MALRD1: variants seen among roughly 807,000 people sequenced by gnomAD.
MALRD1 encodes the protein MAM and LDL receptor class A domain containing 1, also known as MAM and LDL-receptor class A domain-containing protein 1.
MALRD1 carries 247 observed loss-of-function variants against 242.1 expected under a neutral mutation model. The ratio of observed to expected loss-of-function variants is 1.02; its 90% CI spans 0.92 to 1.13. The LOEUF is 1.13. Ranked by LOEUF, MALRD1 falls within the 50% of genes most tolerant of loss-of-function variation. The pLI is 0.00. For synonymous variants in MALRD1, 995 were observed against 866.6 expected (o/e 1.15, Z -2.60); for missense variants, 2,989 against 2,533.1 (o/e 1.18, Z -3.86).
At chr10:19,377,467 A>C (rs571769902) in intron 26 of MALRD1, among the ~76,000 whole-genome samples, 15 of 152,106 alleles carry the variant, frequency 9.9e-5, no homozygotes, top group Non-Finnish European at 2.2e-4. Context: ...TCCCTATTCA[A>C]TTGTGTAACA....
At chr10:19,352,463 C>T (rs1279711891) in intron 26 of MALRD1, among the ~76,000 whole-genome samples, 166 bp downstream of exon 26, 1 of 133,364 alleles carries the variant, frequency 7.5e-6, no homozygotes, top group East Asian at 2.1e-4. Context: ...AGCCTTTATT[C>T]ATAAAAATGT....
intron 23 of MALRD1, among the ~76,000 whole-genome samples, chr10:19,330,516 A>G (rs1226163199): frequency 2.6e-5 from 4 of 152,162 alleles, no homozygotes; most frequent in African/African-American, 4.8e-5. Context: ...ATATCTCAAT[A>G]TTTCTTATGT....
rs1380570071 is a variant in MALRD1 at position 19,090,070 on chromosome 10, G to A, written c.597+1885G>A. Among the ~76,000 whole-genome samples the A allele has an allele frequency of 2.7e-4, 21 of 76,776 alleles. No individual in the cohort carries two copies. In the South Asian group the frequency reaches 8.6e-3, roughly 31 times the overall value. The allele number at this position is 76,776 out of a possible 152,430, so 50.4% of individuals were successfully genotyped here. ...GGCTTAGGATTGACTTGGCGATGCCGGCTCTTTTTTGGTTCCATATGAACT... is the reference window on the plus strand; with the variant it reads ...GGCTTAGGATTGACTTGGCGATGCCAGCTCTTTTTTGGTTCCATATGAACT... On this transcript the variant is annotated intron_variant, in intron 4 of 39. Coordinates refer to ENST00000454679, the MANE Select transcript of MALRD1 (RefSeq NM_001142308.3).
intron 32 of MALRD1, among the ~76,000 whole-genome samples, chr10:19,554,308 G>T (rs1835617549): frequency 6.6e-6 from 1 of 152,130 alleles, no homozygotes; most frequent in African/African-American, 2.4e-5. Flanking sequence ...CGGGTAGCAG[G>T]CAATGTCACG....
At chr10:19,256,569 T>C (rs1186215310) in intron 18 of MALRD1, among the ~76,000 whole-genome samples, 1 of 152,106 alleles carries the variant, frequency 6.6e-6, no homozygotes, top group African/African-American at 2.4e-5. Flanking sequence ...TCAGGGGGAC[T>C]ATATTTGCCC....
intron 21 of MALRD1, among the ~76,000 whole-genome samples, chr10:19,314,921 T>C (rs1274793567): frequency 6.6e-6 from 1 of 150,608 alleles, no homozygotes; most frequent in African/African-American, 2.4e-5. Flanking sequence ...TTTCATAGAA[T>C]GCAAATTAAT....
intron 38 of MALRD1, among the ~76,000 whole-genome samples, chr10:19,717,628 C>T (rs565017087): frequency 2.6e-5 from 4 of 152,082 alleles, no homozygotes; most frequent in Non-Finnish European, 5.9e-5. Context: ...ATTTGTAGAT[C>T]CTTGGAAGGT....
intron 19 of MALRD1, among the ~76,000 whole-genome samples, chr10:19,278,327 C>T (rs554200844): frequency 1.2e-4 from 19 of 152,310 alleles, no homozygotes; most frequent in Admixed American, 5.2e-4. Flanking sequence ...CAGCTTGCCA[C>T]GGCATCTTAT....
At chr10:19,238,468 A>ATATTATACATTATATATAATGTATATTAT (rs373763200) in intron 18 of MALRD1, among the ~76,000 whole-genome samples, 1 of 38,066 alleles carries the variant, frequency 2.6e-5, no homozygotes, top group Non-Finnish European at 3.9e-5. Flanking sequence ...TATATAATAT[A>ATATTATACATTATATATAATGTATATTAT]ATATATAATA....
Position 19,467,918 on chromosome 10 carries a change from C to T in MALRD1, c.5029+17428C>T, listed in dbSNP as rs185875356. 2.9e-3 allele frequency among the ~76,000 whole-genome samples: 437 copies of T among 152,090 alleles called. 3 individuals carry two copies. Among genetic ancestry groups the T allele is most frequent in the African/African-American group, 8.8e-3 (365 of 41,496 alleles). ...ACGTAATTCTCCTGCTTCAGCCTCCCGAGCAGCTGAGATTACAGGCATGTG... is the reference window on the plus strand; with the variant it reads ...ACGTAATTCTCCTGCTTCAGCCTCCTGAGCAGCTGAGATTACAGGCATGTG... On this transcript the variant is annotated intron_variant, in intron 29 of 39. Transcript: ENST00000454679.
chr10:19,600,503 A>G (rs1838295335), intron 34 of MALRD1, among the ~76,000 whole-genome samples: 1 of 152,212 alleles, frequency 6.6e-6, no homozygotes, highest in South Asian at 2.1e-4. Context: ...TCAAGAATAA[A>G]ATAAATACCC....
intron 18 of MALRD1, among the ~76,000 whole-genome samples, chr10:19,211,080 TTATGATTTGCC>T (rs1837031029): frequency 6.6e-6 from 1 of 152,160 alleles, no homozygotes; most frequent in Non-Finnish European, 1.5e-5. Context: ...ATTGGGTCAA[TTATGATTTGCC>T]TCAAGCTAGT....
chr10:19,734,444 A>G lies in MALRD1; in HGVS notation c.*207A>G, dbSNP rs1285357217. The G allele has an allele frequency of 2.7e-6, 1 of 365,098 alleles. No homozygotes were observed. The highest frequency in any genetic ancestry group is 2.1e-5 in the African/African-American group (1 of 47,720). 22.6% of individuals were successfully genotyped at this position (365,098 alleles called of 1,614,324 possible). A position where few individuals can be genotyped will look rare whatever the true frequency, so the allele number is the denominator to read the frequency against. ...AATCAGTACCTTATCTTCACTGAACATCTGAATATTTTAATAAAATTTCTA... is the reference window on the plus strand; with the variant it reads ...AATCAGTACCTTATCTTCACTGAACGTCTGAATATTTTAATAAAATTTCTA... On this transcript the variant is annotated 3_prime_UTR_variant, in exon 40 of 40. Coordinates refer to ENST00000454679, the MANE Select transcript of MALRD1 (RefSeq NM_001142308.3).
intron 38 of MALRD1, among the ~76,000 whole-genome samples, chr10:19,715,499 A>G (rs536989926): frequency 1.3e-5 from 2 of 152,202 alleles, no homozygotes; most frequent in Non-Finnish European, 2.9e-5. Flanking sequence ...GTGAAAAAAT[A>G]TTTCCAGAAT....
At chr10:19,658,580 G>A (rs1321642174) in intron 36 of MALRD1, among the ~76,000 whole-genome samples, 1 of 152,058 alleles carries the variant, frequency 6.6e-6, no homozygotes, top group African/African-American at 2.4e-5. Context: ...AGAGTTATTG[G>A]CCTAATAACT....
In MALRD1 at chr10:19,568,646, T is replaced by C. The variant is rs977723541; in HGVS notation, c.5680+943T>C. 3.3e-5 allele frequency among the ~76,000 whole-genome samples: 5 copies of C among 152,002 alleles called. No individual in the cohort carries two copies. In the East Asian group the frequency reaches 9.7e-4, roughly 29 times the overall value. On this transcript the variant is annotated intron_variant, in intron 33 of 39. Coordinates refer to ENST00000454679, the MANE Select transcript of MALRD1 (RefSeq NM_001142308.3). The stretch of plus-strand genomic sequence containing the variant: ...TATAATCACCACTTTCTCATCTTCA[T>C]TACTCCTCCTAAACCCATTTTCTAG...
intron 13 of MALRD1, among the ~76,000 whole-genome samples, chr10:19,172,680 G>A (rs576869435): frequency 6.6e-6 from 1 of 151,242 alleles, no homozygotes; most frequent in South Asian, 2.1e-4. Flanking sequence ...TTTTCCTCCA[G>A]TTTTCTCTGA....
intron 28 of MALRD1, among the ~76,000 whole-genome samples, chr10:19,406,201 A>T (rs547500678): frequency 6.6e-6 from 1 of 152,342 alleles, no homozygotes; most frequent in East Asian, 1.9e-4. Context: ...CACTTTAGGT[A>T]AAGTTTTCTA....
chr10:19,491,484 G>A (rs1350132325), intron 29 of MALRD1, 33 bp from the exon 30 acceptor site: 1 of 1,543,958 alleles, frequency 6.5e-7, no homozygotes, highest in Non-Finnish European at 8.7e-7. Flanking sequence ...AATATTGATG[G>A]AATACTGCTT....
Sources: allele counts gnomAD v4.1 joint callset (sites outside exome capture counted in the v4.1 genomes callset), GRCh38; gene constraint gnomAD v4.1.1; transcripts MANE v1.5; gene names NCBI Gene and HGNC (gene_info 2026-07-23, HGNC 2026-07-21).